URB1: variants seen among roughly 807,000 people sequenced by gnomAD.
URB1 encodes the protein URB1 ribosome biogenesis factor, also known as nucleolar pre-ribosomal-associated protein 1.
Under a neutral mutation model 242.3 loss-of-function variants are expected in URB1, and 197 were observed. The observed-to-expected ratio is 0.81, with a 90% CI of 0.72 to 0.91. The LOEUF (loss-of-function observed/expected upper bound fraction) is 0.91. Ranked by LOEUF, URB1 falls within the 40% of genes least tolerant of loss-of-function variation. URB1 has a pLI of 0.00. For missense variants in URB1, 2,721 were observed against 2,860.5 expected (o/e 0.95, Z 1.11); for synonymous variants, 1,153 against 1,201.8 (o/e 0.96, Z 0.84).
chr21:32,344,807 G>T, intron 23 of URB1, 51 bp from the exon 24 acceptor site: 1 of 1,513,972 alleles, frequency 6.6e-7, no homozygotes, highest in Non-Finnish European at 8.8e-7. Flanking sequence ...AAATCCTTCT[G>T]ACTTTACGTA....
rs1255706759 is a variant in URB1, at chr21:32,312,355, G to A, written c.*2563C>T. ...TACTGTGTAATGCGTTATCAGCCCT[G>A]AGTTCACCTGGTCCTTCTGTACCTT... On this transcript the variant is annotated 3_prime_UTR_variant, in exon 39 of 39. Coordinates refer to ENST00000382751, the MANE Select transcript of URB1 (RefSeq NM_014825.3). 8.4e-7 allele frequency: 1 copy of A among 1,183,640 alleles called. No homozygotes were observed. Among genetic ancestry groups the A allele is most frequent in the East Asian group, 5.5e-5 (1 of 18,248 alleles). 73.3% of individuals were successfully genotyped at this position (1,183,640 alleles called of 1,614,324 possible).
At chr21:32,386,926 T>C (rs2146057407) in intron 1 of URB1, among the ~76,000 whole-genome samples, 1 of 151,854 alleles carries the variant, frequency 6.6e-6, no homozygotes, top group Admixed American at 6.5e-5. Context: ...AACTGGATGA[T>C]TCCTGCTCAT....
chr21:32,327,176 T>C (rs2032839343), intron 30 of URB1, among the ~76,000 whole-genome samples: 1 of 151,234 alleles, frequency 6.6e-6, no homozygotes, highest in Non-Finnish European at 1.5e-5. Flanking sequence ...TAAAAGAAAA[T>C]CACACGAAAG....
At chr21:32,351,596 G>T (rs1434020192) in intron 19 of URB1, among the ~76,000 whole-genome samples, 1 of 152,166 alleles carries the variant, frequency 6.6e-6, no homozygotes, top group African/African-American at 2.4e-5. Context: ...AAATTCTCAG[G>T]CTCCACCCAG....
rs1385133988 is a variant in URB1 at position 32,384,382 on chromosome 21, T to C, written c.365A>G (p.Asn122Ser). ...GTTGTTCATCAGCTTTTTCACAATG[T>C]TGGTTCCCACAACATGGAAATGTGA... Reference protein sequence around the residue: ...DLSHFHVVGTNIVKKLMNNHM... With the variant: ...DLSHFHVVGTSIVKKLMNNHM... The change falls in exon 3 of 39, where the codon AAC becomes AGC. Residue 122 changes from asparagine to serine, a missense_variant. By Grantham distance (46) the Asn-to-Ser change is conservative (BLOSUM62 1). Coordinates refer to ENST00000382751, the MANE Select transcript of URB1 (RefSeq NM_014825.3). 6.4e-6 allele frequency: 10 copies of C among 1,552,188 alleles called. No homozygotes were observed. The highest frequency in any genetic ancestry group is 1.7e-4 in the Middle Eastern group (1 of 6,020).
chr21:32,380,316 C>T (rs893505767), intron 4 of URB1, among the ~76,000 whole-genome samples: 3 of 152,138 alleles, frequency 2.0e-5, no homozygotes, highest in Admixed American at 2.0e-4. Context: ...AGTTTATCCC[C>T]GTCCATGTCA....
At chr21:32,358,203 C>A (rs1038435081) in intron 14 of URB1, among the ~76,000 whole-genome samples, 5 of 152,170 alleles carry the variant, frequency 3.3e-5, no homozygotes, top group Admixed American at 1.3e-4. Flanking sequence ...CCAGCTTACA[C>A]TGACTCACTG....
At position 32,360,781 on chromosome 21, in the gene URB1, G is replaced by A. The variant is rs1341602224; in HGVS notation, c.1756+226C>T. ...CATGTAGGTTGCTCAGCACTCAGAA[G>A]CTGGCTGGCTTCTTCCATTGTTCTC... is the stretch of plus-strand genomic sequence containing the variant. On this transcript the variant is annotated intron_variant, in intron 13 of 38. Transcript: ENST00000382751. 2.0e-5 allele frequency among the ~76,000 whole-genome samples: 3 copies of A among 152,226 alleles called. No homozygotes were observed. The East Asian group carries it at 5.8e-4, about 29-fold the overall frequency.
At chr21:32,319,559 AG>A (rs1388171092) in intron 35 of URB1, 145 bp from the exon 36 acceptor site, 6 of 856,058 alleles carry the variant, frequency 7.0e-6, no homozygotes, top group Non-Finnish European at 1.7e-6. Flanking sequence ...ATACAAACGC[AG>A]CTTCCACACA....
At chr21:32,340,656 G>A (rs1318713136) in intron 25 of URB1, among the ~76,000 whole-genome samples, 1 of 152,174 alleles carries the variant, frequency 6.6e-6, no homozygotes, top group Non-Finnish European at 1.5e-5. Context: ...TTGGAGAGCA[G>A]TTTGAGCATC....
chr21:32,355,689 A>C, intron 15 of URB1, 124 bp from the exon 16 acceptor site: 2 of 756,898 alleles, frequency 2.6e-6, no homozygotes, highest in Non-Finnish European at 2.2e-6. Context: ...GCTCACTGCA[A>C]CCTCCGCCTC....
At chr21:32,337,540 A>C in intron 26 of URB1, 26 bp from the exon 27 acceptor site, 2 of 1,536,756 alleles carry the variant, frequency 1.3e-6, no homozygotes, top group Non-Finnish European at 1.8e-6. Context: ...CCTGAAACAC[A>C]TGGCATGGTG....
At chr21:32,369,388 A>G (rs2033382553) in intron 8 of URB1, among the ~76,000 whole-genome samples, 1 of 152,148 alleles carries the variant, frequency 6.6e-6, no homozygotes, top group African/African-American at 2.4e-5. Context: ...ATGTAAATAC[A>G]TATGTGAGTG....
chr21:32,348,541 A>G (rs1050239083), intron 21 of URB1, among the ~76,000 whole-genome samples: 3 of 152,138 alleles, frequency 2.0e-5, no homozygotes, highest in African/African-American at 7.2e-5. Context: ...CATTCCTCAC[A>G]GCCCTGCTGA....
chr21:32,387,694 A>C (rs1220059538), intron 1 of URB1, among the ~76,000 whole-genome samples: 1 of 152,178 alleles, frequency 6.6e-6, no homozygotes, highest in East Asian at 1.9e-4. Flanking sequence ...AAAATGCCAC[A>C]AACTTTAAGA....
At position 32,314,926 on chromosome 21, in the gene URB1, C is replaced by T. The variant is rs891059659; in HGVS notation, c.6808G>A (p.Asp2270Asn). The change falls in exon 39 of 39, where the codon GAT becomes AAT. Residue 2270 changes from aspartate to asparagine, a missense_variant. By Grantham distance (23) the Asp-to-Asn change is conservative. Transcript: ENST00000382751. ...GTGCTGGCCGGCAGGAGTCAAGCAT[C>T]TGAGGCTGCGCTGGCGGCGTCCTTG... ...LCKDAASAAS[D>N]A 1 of 1,550,588 alleles carries T rather than the reference C, an allele frequency of 6.4e-7. No homozygotes were observed. Among genetic ancestry groups the T allele is most frequent in the Non-Finnish European group, 8.7e-7 (1 of 1,146,476 alleles).
At chr21:32,370,979 A>G (rs2033400393) in intron 8 of URB1, among the ~76,000 whole-genome samples, 1 of 152,210 alleles carries the variant, frequency 6.6e-6, no homozygotes, top group South Asian at 2.1e-4. Context: ...ACTTCTCACC[A>G]ATCTGATAAT....
rs1320038377 is a variant in URB1 at position 32,344,563 on chromosome 21, C to G, written c.4257+7G>C. On this transcript the variant is annotated splice_region_variant and intron_variant, in intron 24 of 38. Transcript: ENST00000382751. Reference sequence around the variant, plus strand: ...TTTAATCTGGATCTCTAAGAAAAGACACTTACCAACAACGCATTTAATCTA... The same window carrying G: ...TTTAATCTGGATCTCTAAGAAAAGAGACTTACCAACAACGCATTTAATCTA... 2.6e-6 allele frequency: 4 copies of G among 1,551,360 alleles called. No individual in the cohort carries two copies. Among genetic ancestry groups the G allele is most frequent in the South Asian group, 2.4e-5 (2 of 83,928 alleles).
intron 5 of URB1, chr21:32,377,326 A>C (rs975513122): frequency 3.9e-6 from 2 of 508,376 alleles, no homozygotes; most frequent in South Asian, 2.9e-5. Context: ...CCCATGCATA[A>C]GCACCTTAAA....
Sources: gnomAD v4.1 joint callset for allele counts (sites outside exome capture counted in the v4.1 genomes callset) on GRCh38, gnomAD v4.1.1 for gene constraint, MANE v1.5 for transcripts, NCBI Gene and HGNC (gene_info 2026-07-23, HGNC 2026-07-21) for gene names.